The following DLG2 variants were observed in gnomAD, a reference collection of about 807,000 sequenced individuals.
The protein encoded by DLG2 is disks large homolog 2.
DLG2 carries 45 observed loss-of-function variants against 132.5 expected under a neutral mutation model. That is an observed-to-expected ratio of 0.34 (90% CI 0.27 to 0.44). The LOEUF is 0.44. Among genes scored for constraint, DLG2 ranks in the 20% least tolerant of loss-of-function variants. The probability of loss-of-function intolerance (pLI) is 1.00; values close to 1 mark genes in which losing one functional copy is unlikely to be tolerated. For synonymous variants in DLG2, 424 were observed against 419.6 expected (o/e 1.01, Z -0.13); for missense variants, 1,045 against 1,196.9 (o/e 0.87, Z 1.87).
chr11:85,441,660 A>G (rs2091782869), intron 3 of DLG2, among the ~76,000 whole-genome samples: 1 of 152,180 alleles, frequency 6.6e-6, no homozygotes, highest in African/African-American at 2.4e-5. Context: ...TCACAAAAAG[A>G]GAATTAAATT....
At chr11:84,952,300 C>G (rs2051036128) in intron 6 of DLG2, among the ~76,000 whole-genome samples, 1 of 152,100 alleles carries the variant, frequency 6.6e-6, no homozygotes, top group Non-Finnish European at 1.5e-5. Context: ...AATCCCAGCA[C>G]TTTGGGAGGC....
rs1020478029 is a variant in DLG2 at position 85,211,035 on chromosome 11, T to G, written c.187-56384A>C. On this transcript the variant is annotated intron_variant, in intron 4 of 27. Transcript: ENST00000376104. Reference sequence around the variant, plus strand: ...ACCTGAAATAATACAATAAAACTTATAGCATATTCAATATTAATTTGTTTA... The same window carrying G: ...ACCTGAAATAATACAATAAAACTTAGAGCATATTCAATATTAATTTGTTTA... Among the ~76,000 whole-genome samples the G allele has an allele frequency of 2.6e-5, 4 of 152,260 alleles. No homozygotes were observed. In the East Asian group the frequency reaches 7.7e-4, roughly 29 times the overall value.
chr11:84,267,694 G>A (rs2097660007), intron 7 of DLG2, among the ~76,000 whole-genome samples: 1 of 152,174 alleles, frequency 6.6e-6, no homozygotes, highest in Non-Finnish European at 1.5e-5. Context: ...GTTCTTTTCA[G>A]CCTCATTTCT....
At chr11:83,554,219 C>G (rs1232310930) in intron 19 of DLG2, among the ~76,000 whole-genome samples, 1 of 152,136 alleles carries the variant, frequency 6.6e-6, no homozygotes, top group African/African-American at 2.4e-5. Flanking sequence ...GGTTTTCAAG[C>G]TGGGACATTT....
At chr11:85,254,569 GA>G (rs1350865810) in intron 4 of DLG2, among the ~76,000 whole-genome samples, 1 of 151,926 alleles carries the variant, frequency 6.6e-6, no homozygotes, top group Admixed American at 6.6e-5. Flanking sequence ...AGAAAAATAG[GA>G]AAAAAAGTCA....
intron 6 of DLG2, among the ~76,000 whole-genome samples, chr11:84,780,063 C>T (rs1031535960): frequency 6.6e-6 from 1 of 151,934 alleles, no homozygotes; most frequent in African/African-American, 2.4e-5. Context: ...GATACCAAAA[C>T]GAGGCAAGGA....
intron 6 of DLG2, among the ~76,000 whole-genome samples, chr11:84,869,710 C>A (rs1320097650): frequency 6.6e-6 from 1 of 152,150 alleles, no homozygotes; most frequent in East Asian, 1.9e-4. Flanking sequence ...CTCTTCTAGA[C>A]TATACTCTCT....
intron 7 of DLG2, among the ~76,000 whole-genome samples, chr11:84,495,642 C>A (rs1479960284): frequency 6.6e-6 from 1 of 152,114 alleles, no homozygotes; most frequent in African/African-American, 2.4e-5. Context: ...TCTGGTTGCC[C>A]TCAAACTGTA....
At chr11:84,328,127 T>C (rs2098441595) in intron 7 of DLG2, among the ~76,000 whole-genome samples, 1 of 152,080 alleles carries the variant, frequency 6.6e-6, no homozygotes. Flanking sequence ...AGAAAGGGCA[T>C]AGCATGTGCT....
intron 6 of DLG2, among the ~76,000 whole-genome samples, chr11:84,773,221 G>A (rs79749285): frequency 0.029 from 4,396 of 152,130 alleles, 173 homozygotes; most frequent in East Asian, 0.19. Flanking sequence ...CCTCCCAAGA[G>A]TGAACCAGGA....
chr11:85,598,721 C>T lies in DLG2; in HGVS notation c.-25G>A. 1 of 1,577,854 alleles carries T rather than the reference C, an allele frequency of 6.3e-7. No homozygotes were observed. Among genetic ancestry groups the T allele is most frequent in the South Asian group, 1.2e-5 (1 of 84,574 alleles). On this transcript the variant is annotated 5_prime_UTR_variant, in exon 3 of 28. Coordinates refer to ENST00000376104, the MANE Select transcript of DLG2 (RefSeq NM_001142699.3). ...TCACCTTTTTAACCGCATTTTTCAACAGCTGCTCCTCTGGTTTCCTTAATT... is the reference window on the plus strand; with the variant it reads ...TCACCTTTTTAACCGCATTTTTCAATAGCTGCTCCTCTGGTTTCCTTAATT...
rs2049810995 is a variant in DLG2, at chr11:83,818,687, A to G, written c.1722+14927T>C. 2.0e-5 allele frequency among the ~76,000 whole-genome samples: 3 copies of G among 152,184 alleles called. No individual in the cohort carries two copies. In the South Asian group the frequency reaches 6.2e-4, roughly 32 times the overall value. ...GGTTTAAATCTATGTTAGTAAGGGT[A>G]TGAAAGCTATATATATTTTTTCCTT... On this transcript the variant is annotated intron_variant, in intron 17 of 27. Transcript: ENST00000376104.
At chr11:84,999,468 A>G (rs2058008013) in intron 6 of DLG2, among the ~76,000 whole-genome samples, 1 of 152,180 alleles carries the variant, frequency 6.6e-6, no homozygotes, top group Admixed American at 6.6e-5. Context: ...AATAATCATC[A>G]CTTGACGTAT....
intron 4 of DLG2, among the ~76,000 whole-genome samples, chr11:85,233,722 G>T: frequency 2.1e-5 from 3 of 140,804 alleles, no homozygotes; most frequent in African/African-American, 5.3e-5. Context: ...TTTTTACCTT[G>T]GACTCTAGTT....
At chr11:84,213,773 C>T (rs2096789996) in intron 8 of DLG2, among the ~76,000 whole-genome samples, 1 of 147,034 alleles carries the variant, frequency 6.8e-6, no homozygotes. Context: ...GAGCCGAGAC[C>T]ACGCCACTGC....
At chr11:84,015,588 A>G (rs182021677) in intron 11 of DLG2, among the ~76,000 whole-genome samples, 1 of 151,972 alleles carries the variant, frequency 6.6e-6, no homozygotes, top group Admixed American at 6.6e-5. Flanking sequence ...CCATGTGTCC[A>G]TGTGTTCTTA....
intron 6 of DLG2, among the ~76,000 whole-genome samples, chr11:84,765,751 T>A (rs1484256327): frequency 6.6e-6 from 1 of 152,086 alleles, no homozygotes; most frequent in African/African-American, 2.4e-5. Flanking sequence ...GTAATTTACA[T>A]AAATAAGGTG....
At chr11:84,374,324 C>G (rs1379716208) in intron 7 of DLG2, among the ~76,000 whole-genome samples, 10 of 152,174 alleles carry the variant, frequency 6.6e-5, no homozygotes, top group African/African-American at 1.9e-4. Flanking sequence ...CACCATAACC[C>G]ATAATGTTCA....
intron 7 of DLG2, among the ~76,000 whole-genome samples, chr11:84,409,134 G>C (rs1438587596): frequency 6.6e-6 from 1 of 152,130 alleles, no homozygotes; most frequent in Non-Finnish European, 1.5e-5. Flanking sequence ...TTCCCCCCAA[G>C]AAAGCGCTCC....
Sources: gnomAD v4.1 joint callset for allele counts (sites outside exome capture counted in the v4.1 genomes callset) on GRCh38, gnomAD v4.1.1 for gene constraint, MANE v1.5 for transcripts, NCBI Gene and HGNC (gene_info 2026-07-23, HGNC 2026-07-21) for gene names.